Variants in PDE4B observed in about 807,000 individuals in gnomAD.
PDE4B encodes phosphodiesterase 4B.
A neutral mutation model predicts 82.2 loss-of-function variants in PDE4B; 20 were observed. The ratio of observed to expected loss-of-function variants is 0.24; its 90% confidence interval spans 0.17 to 0.35. The LOEUF (loss-of-function observed/expected upper bound fraction) is 0.35, where lower values mean the gene tolerates loss of function less well. Among genes scored for constraint, PDE4B ranks in the 10% least tolerant of loss-of-function variants. The pLI, the probability that PDE4B is intolerant of heterozygous loss-of-function variation, is 1.00. For synonymous variants in PDE4B, 320 were observed against 318.9 expected (o/e 1.00, Z -0.04); for missense variants, 655 against 907.2 (o/e 0.72, Z 3.57).
chr1:66,043,135 A>C (rs1654480538), intron 3 of PDE4B, among the ~76,000 whole-genome samples: 1 of 151,748 alleles, frequency 6.6e-6, no homozygotes, highest in Non-Finnish European at 1.5e-5. Context: ...GTGCCTACTG[A>C]GTGCTTTTGG....
chr1:66,178,195 T>G (rs868395369), intron 3 of PDE4B, among the ~76,000 whole-genome samples: 1 of 152,020 alleles, frequency 6.6e-6, no homozygotes, highest in Non-Finnish European at 1.5e-5. Flanking sequence ...AAACAAAAAT[T>G]TATTATATTG....
chr1:66,276,860 A>G (rs1376304131), intron 7 of PDE4B, among the ~76,000 whole-genome samples: 1 of 152,350 alleles, frequency 6.6e-6, no homozygotes, highest in East Asian at 1.9e-4. Flanking sequence ...TTTCACCTGT[A>G]AAAATGGGAA....
chr1:65,836,375 C>T (rs1168229135), intron 1 of PDE4B, among the ~76,000 whole-genome samples: 5 of 152,190 alleles, frequency 3.3e-5, no homozygotes, highest in Non-Finnish European at 7.3e-5. Context: ...CCTCTGATAT[C>T]GCCTCAGAGT....
At chr1:65,829,518 G>A (rs986407441) in intron 1 of PDE4B, among the ~76,000 whole-genome samples, 2 of 152,020 alleles carry the variant, frequency 1.3e-5, no homozygotes, top group Non-Finnish European at 2.9e-5. Context: ...AGTGAACACT[G>A]AACATTCACA....
intron 3 of PDE4B, among the ~76,000 whole-genome samples, chr1:66,234,939 A>G (rs918944252): frequency 2.6e-5 from 4 of 152,142 alleles, no homozygotes; most frequent in African/African-American, 9.7e-5. Context: ...GCTGCATCCT[A>G]CAAATTTTAA....
At chr1:66,182,382 G>T (rs72922374) in intron 3 of PDE4B, among the ~76,000 whole-genome samples, 281 of 152,200 alleles carry the variant, frequency 1.8e-3, no homozygotes, top group African/African-American at 6.6e-3. Context: ...TATAGAGAAT[G>T]ATCTTTAATA....
At chr1:66,061,410 C>A (rs540308283) in intron 3 of PDE4B, among the ~76,000 whole-genome samples, 3 of 151,898 alleles carry the variant, frequency 2.0e-5, no homozygotes, top group African/African-American at 7.2e-5. Context: ...TATCTTTCCA[C>A]TAAGAGTAAA....
chr1:65,974,839 A>G (rs1283501455), intron 3 of PDE4B, among the ~76,000 whole-genome samples: 1 of 152,176 alleles, frequency 6.6e-6, no homozygotes, highest in East Asian at 1.9e-4. Context: ...TGCTTCCTGT[A>G]CATCCTGTGA....
At chr1:66,310,828 C>A (rs1202805753) in intron 7 of PDE4B, among the ~76,000 whole-genome samples, 1 of 152,070 alleles carries the variant, frequency 6.6e-6, no homozygotes, top group African/African-American at 2.4e-5. Flanking sequence ...TGACTCTAAA[C>A]CTGTTTTCTT....
At chr1:66,207,135 G>A (rs1323513382) in intron 3 of PDE4B, among the ~76,000 whole-genome samples, 1 of 152,162 alleles carries the variant, frequency 6.6e-6, no homozygotes, top group Non-Finnish European at 1.5e-5. Flanking sequence ...TCAGGCTGAG[G>A]TAAATGGAGT....
intron 1 of PDE4B, among the ~76,000 whole-genome samples, chr1:65,833,413 T>C (rs941184487): frequency 1.3e-5 from 2 of 152,170 alleles, no homozygotes; most frequent in African/African-American, 4.8e-5. Flanking sequence ...CTCTAAAGCA[T>C]AACAAAACAC....
At chr1:65,931,967 A>G (rs1007578208) in intron 3 of PDE4B, among the ~76,000 whole-genome samples, 4 of 152,192 alleles carry the variant, frequency 2.6e-5, no homozygotes, top group South Asian at 2.1e-4. Flanking sequence ...ACTGACAGTT[A>G]CCATATCCTT....
chr1:66,163,681 T>C (rs1419348041), intron 3 of PDE4B, among the ~76,000 whole-genome samples: 1 of 152,186 alleles, frequency 6.6e-6, no homozygotes, highest in Non-Finnish European at 1.5e-5. Context: ...GCATGTAAAA[T>C]TGTTGAGTGA....
At chr1:65,872,547 T>G (rs1363760937) in intron 1 of PDE4B, among the ~76,000 whole-genome samples, 1 of 152,106 alleles carries the variant, frequency 6.6e-6, no homozygotes, top group African/African-American at 2.4e-5. Flanking sequence ...AATGAATAGA[T>G]TGCCAAAGTA....
At chr1:66,092,921 C>T (rs983392971) in intron 3 of PDE4B, among the ~76,000 whole-genome samples, 5 of 151,970 alleles carry the variant, frequency 3.3e-5, no homozygotes, top group African/African-American at 1.2e-4. Context: ...AAAAGGATTC[C>T]TATAGGCCAT....
intron 7 of PDE4B, among the ~76,000 whole-genome samples, chr1:66,313,545 T>G (rs1031096158): frequency 1.3e-5 from 2 of 152,178 alleles, no homozygotes; most frequent in Non-Finnish European, 2.9e-5. Flanking sequence ...CCCTTCCAGA[T>G]TCAATAATCC....
rs187474727 is a variant in PDE4B, at chr1:66,047,548, T to C, written c.281+128713T>C. 9.9e-5 allele frequency among the ~76,000 whole-genome samples: 15 copies of C among 152,112 alleles called. No homozygotes were observed. The East Asian group carries it at 2.5e-3, about 25-fold the overall frequency. Reference sequence around the variant, plus strand: ...GCCCAGTGTTGCTCAGTGTGTTCCATATGGATGTTCTGAGATAATTTGTTA... The same window carrying C: ...GCCCAGTGTTGCTCAGTGTGTTCCACATGGATGTTCTGAGATAATTTGTTA... On this transcript the variant is annotated intron_variant, in intron 3 of 16. Coordinates refer to ENST00000341517, the MANE Select transcript of PDE4B (RefSeq NM_002600.4).
At position 66,096,522 on chromosome 1, in the gene PDE4B, A is replaced by ATATG. The variant is rs1645121754; in HGVS notation, c.282-150935_282-150934insGTAT. On this transcript the variant is annotated intron_variant, in intron 3 of 16. Coordinates refer to ENST00000341517, the MANE Select transcript of PDE4B (RefSeq NM_002600.4). ...AGTAAAAAAAATTATATATATATAT[A>ATATG]TATATATATATATATATATACTGCA... Among the ~76,000 whole-genome samples the ATATG allele has an allele frequency of 6.5e-5, 9 of 138,478 alleles. 1 individual carries two copies. Among genetic ancestry groups the ATATG allele is most frequent in the Admixed American group, 5.1e-4 (7 of 13,792 alleles). The allele number at this position is 138,478 out of a possible 152,430, so 90.8% of individuals were successfully genotyped here. A position where few individuals can be genotyped will look rare whatever the true frequency, so the allele number is the denominator to read the frequency against.
At chr1:66,184,440 T>C (rs1281349001) in intron 3 of PDE4B, among the ~76,000 whole-genome samples, 1 of 152,224 alleles carries the variant, frequency 6.6e-6, no homozygotes, top group East Asian at 1.9e-4. Flanking sequence ...TCTTTCATTT[T>C]AGTAAGGAAG....
Sources: gnomAD v4.1 joint callset for allele counts (sites outside exome capture counted in the v4.1 genomes callset) on GRCh38, gnomAD v4.1.1 for gene constraint, MANE v1.5 for transcripts, NCBI Gene and HGNC (gene_info 2026-07-23, HGNC 2026-07-21) for gene names.